PPARA: variants seen among roughly 807,000 people sequenced by gnomAD.
PPARA encodes the protein peroxisome proliferator-activated receptor alpha.
In PPARA, 22 loss-of-function variants were observed where a neutral mutation model predicts 42.2. That is an observed-to-expected ratio of 0.52 (90% CI 0.37 to 0.74). The LOEUF (loss-of-function observed/expected upper bound fraction) is 0.74. Ranked by LOEUF, PPARA falls within the 30% of genes least tolerant of loss-of-function variation. PPARA has a pLI of 0.00. For missense variants in PPARA, 465 were observed against 608.2 expected (o/e 0.76, Z 2.48); for synonymous variants, 242 against 239.3 (o/e 1.01, Z -0.10).
At chr22:46,152,132 A>ATTTTTTTT (rs780789203) in intron 2 of PPARA, among the ~76,000 whole-genome samples, 162 bp downstream of exon 2, 7 of 104,682 alleles carry the variant, frequency 6.7e-5, no homozygotes, top group Admixed American at 1.1e-4. Context: ...GCATGGATTC[A>ATTTTTTTT]TTTTTTTTTT....
rs1425916706 is a variant in PPARA at position 46,198,465 on chromosome 22, C to G, written c.82C>G (p.Leu28Val). ...DLESPLSEEF[L>V]QEMGNIQEIS... ...AGAGAGCCCGTTATCTGAAGAGTTC[C>G]TGCAAGAAATGGGAAACATCCAAGA... Residue 28 changes from leucine (L) to valine (V), a missense_variant, in exon 4 of 9, where the codon CTG becomes GTG. Physicochemically the swap from Leu to Val is conservative, Grantham distance 32. Coordinates refer to ENST00000407236, the MANE Select transcript of PPARA (RefSeq NM_005036.6). 1 of 1,613,878 alleles carries G rather than the reference C, an allele frequency of 6.2e-7. No individual in the cohort carries two copies.
chr22:46,232,370 T>C lies in PPARA; in HGVS notation c.1159+131T>C, dbSNP rs1443123192. On this transcript the variant is annotated intron_variant, in intron 8 of 8. Transcript: ENST00000407236. The surrounding 1 kb of genome is among the most constrained non-coding windows in gnomAD (Gnocchi z 5.3). Reference sequence around the variant, plus strand: ...GGGACACTCACATGGTGGGAAGACGTCTGACCCCCAGTCACTGCTGAGAAT... The same window carrying C: ...GGGACACTCACATGGTGGGAAGACGCCTGACCCCCAGTCACTGCTGAGAAT... 2.3e-6 allele frequency: 2 copies of C among 851,832 alleles called. No homozygotes were observed. Among genetic ancestry groups the C allele is most frequent in the African/African-American group, 1.7e-5 (1 of 60,198 alleles). 52.8% of individuals were successfully genotyped at this position (851,832 alleles called of 1,614,324 possible). A position where few individuals can be genotyped will look rare whatever the true frequency, so the allele number is the denominator to read the frequency against.
intron 3 of PPARA, among the ~76,000 whole-genome samples, chr22:46,185,311 T>G (rs1432997691): frequency 6.6e-6 from 1 of 152,236 alleles, no homozygotes; most frequent in Non-Finnish European, 1.5e-5. Flanking sequence ...ATATCCCTTT[T>G]GATAGCATAC....
At chr22:46,226,614 A>G (rs1048902393) in intron 7 of PPARA, among the ~76,000 whole-genome samples, 1 of 152,216 alleles carries the variant, frequency 6.6e-6, no homozygotes, top group Non-Finnish European at 1.5e-5. Context: ...CCATGAGTCC[A>G]TTGTAGCTAG....
In PPARA at chr22:46,232,981, C is replaced by CAAAAAAA. The variant is rs71192405; in HGVS notation, c.1159+756_1159+762dup. On this transcript the variant is annotated intron_variant, in intron 8 of 8. Coordinates refer to ENST00000407236, the MANE Select transcript of PPARA (RefSeq NM_005036.6). This position sits in a 1 kb window ranked among gnomAD's most constrained non-coding sequence, Gnocchi z 5.3. The stretch of plus-strand genomic sequence containing the variant: ...TGGGCGACGAAGAATGACCCTGTCT[C>CAAAAAAA]AAAAAAAAAAAAAAAAAAAATTATA... Among the ~76,000 whole-genome samples the CAAAAAAA allele has an allele frequency of 2.1e-5, 2 of 93,582 alleles. No homozygotes were observed. The highest frequency in any genetic ancestry group is 2.2e-5 in the Non-Finnish European group (1 of 45,474). The allele number at this position is 93,582 out of a possible 152,430, so 61.4% of individuals were successfully genotyped here.
Position 46,243,188 on chromosome 22 carries a change from G to A in PPARA, c.*7808G>A, listed in dbSNP as rs1473414252. 1 of 152,124 alleles carries A rather than the reference G, an allele frequency of 6.6e-6. No individual in the cohort carries two copies. Among genetic ancestry groups the A allele is most frequent in the African/African-American group, 2.4e-5 (1 of 41,376 alleles). 9.4% of individuals were successfully genotyped at this position (152,124 alleles called of 1,614,324 possible). A position where few individuals can be genotyped will look rare whatever the true frequency, so the allele number is the denominator to read the frequency against. The stretch of plus-strand genomic sequence containing the variant: ...TGGTGCATATTGGTTACACCCTCTG[G>A]GATTCATAATGCCATTAGGCTAAAA... On this transcript the variant is annotated 3_prime_UTR_variant, in exon 9 of 9. Coordinates refer to ENST00000407236, the MANE Select transcript of PPARA (RefSeq NM_005036.6). The surrounding 1 kb of genome is among the most constrained non-coding windows in gnomAD (Gnocchi z 5.0).
chr22:46,190,525 C>T lies in PPARA; in HGVS notation c.-42-7817C>T, dbSNP rs1376277368. Among the ~76,000 whole-genome samples the T allele has an allele frequency of 2.6e-5, 4 of 152,132 alleles. No individual in the cohort carries two copies. Among genetic ancestry groups the T allele is most frequent in the East Asian group, 1.9e-4 (1 of 5,192 alleles). ...ATCCCAACACTTAGAGGCCAAGCCG[C>T]GTGGATCGCTTGAGCCCAGGAGTTC... On this transcript the variant is annotated intron_variant, in intron 3 of 8. Transcript: ENST00000407236. The surrounding 1 kb of genome is among the most constrained non-coding windows in gnomAD (Gnocchi z 5.6).
chr22:46,222,347 G>A lies in PPARA; in HGVS notation c.711+2333G>A, dbSNP rs1320797498. Among the ~76,000 whole-genome samples the A allele has an allele frequency of 2.0e-5, 3 of 152,174 alleles. No individual in the cohort carries two copies. The highest frequency in any genetic ancestry group is 6.5e-5 in the Admixed American group (1 of 15,268). On this transcript the variant is annotated intron_variant, in intron 7 of 8. Transcript: ENST00000407236. The surrounding 1 kb of genome is among the most constrained non-coding windows in gnomAD (Gnocchi z 5.9). ...TTTGACATTTTCCTATGAGCATGGT[G>A]AAACAGGTTTAATTTGTATTAAATA...
Position 46,224,514 on chromosome 22 carries a change from C to T in PPARA, c.711+4500C>T, listed in dbSNP as rs1935249418. Among the ~76,000 whole-genome samples, 1 of 152,152 alleles carries T rather than the reference C, an allele frequency of 6.6e-6. No individual in the cohort carries two copies. Among genetic ancestry groups the T allele is most frequent in the Non-Finnish European group, 1.5e-5 (1 of 68,026 alleles). ...ACACCTTGATCTCTGCCCAGTGGCC[C>T]ACATGCGGTCGCCGTTTCATCAGTT... is the stretch of plus-strand genomic sequence containing the variant. On this transcript the variant is annotated intron_variant, in intron 7 of 8. Coordinates refer to ENST00000407236, the MANE Select transcript of PPARA (RefSeq NM_005036.6). The surrounding 1 kb of genome is among the most constrained non-coding windows in gnomAD (Gnocchi z 5.7).
intron 4 of PPARA, among the ~76,000 whole-genome samples, chr22:46,207,847 C>A (rs1933543868): frequency 6.6e-6 from 1 of 151,036 alleles, no homozygotes; most frequent in South Asian, 2.1e-4. Flanking sequence ...CCATGCCCAG[C>A]CAATTTTAAA....
rs2147717879 is a variant in PPARA at position 46,234,757 on chromosome 22, C to G, written c.1160-376C>G. ...AGTTTGGATTCAAAAGCTTCATTTCCCATATTATGCAAAACTGGTGGTTGT... is the reference window on the plus strand; with the variant it reads ...AGTTTGGATTCAAAAGCTTCATTTCGCATATTATGCAAAACTGGTGGTTGT... On this transcript the variant is annotated intron_variant, in intron 8 of 8. Transcript: ENST00000407236. This position sits in a 1 kb window ranked among gnomAD's most constrained non-coding sequence, Gnocchi z 5.8. 6.6e-6 allele frequency among the ~76,000 whole-genome samples: 1 copy of G among 152,250 alleles called. No individual in the cohort carries two copies. The highest frequency in any genetic ancestry group is 2.1e-4 in the South Asian group (1 of 4,818).
In PPARA at chr22:46,212,886, C is replaced by G. The variant is rs1407972032; in HGVS notation, c.209-2287C>G. ...TAATGGGCACCTGTAATCCCAGCTA[C>G]TTGGAAGGCTGAGGCAGGAGAATCA... On this transcript the variant is annotated intron_variant, in intron 4 of 8. Transcript: ENST00000407236. This position sits in a 1 kb window ranked among gnomAD's most constrained non-coding sequence, Gnocchi z 4.2. Among the ~76,000 whole-genome samples the G allele has an allele frequency of 2.0e-5, 3 of 152,252 alleles. No homozygotes were observed. In the East Asian group the frequency reaches 5.8e-4, roughly 29 times the overall value.
In PPARA at chr22:46,240,423, G is replaced by C. The variant is rs1936341875; in HGVS notation, c.*5043G>C. On this transcript the variant is annotated 3_prime_UTR_variant, in exon 9 of 9. Transcript: ENST00000407236. The surrounding 1 kb of genome is among the most constrained non-coding windows in gnomAD (Gnocchi z 6.0). Reference sequence around the variant, plus strand: ...GGTGAGTGCAAGGATAGGTGACCCAGGGGCCTGCAGCCTTGTCCTCAGCTC... The same window carrying C: ...GGTGAGTGCAAGGATAGGTGACCCACGGGCCTGCAGCCTTGTCCTCAGCTC... 2.5e-6 allele frequency: 1 copy of C among 395,268 alleles called. No homozygotes were observed. The highest frequency in any genetic ancestry group is 2.1e-5 in the African/African-American group (1 of 48,588). 24.5% of individuals were successfully genotyped at this position (395,268 alleles called of 1,614,324 possible). A position where few individuals can be genotyped will look rare whatever the true frequency, so the allele number is the denominator to read the frequency against.
rs576593595 is a variant in PPARA, at chr22:46,230,099, C to T, written c.712-1693C>T. On this transcript the variant is annotated intron_variant, in intron 7 of 8. Coordinates refer to ENST00000407236, the MANE Select transcript of PPARA (RefSeq NM_005036.6). The surrounding 1 kb of genome is among the most constrained non-coding windows in gnomAD (Gnocchi z 5.0). ...TAGAAATAACGCTGTAGGCCGGGCGCGGTGGCTCACCCCTGTAATCCCAGC... is the reference window on the plus strand; with the variant it reads ...TAGAAATAACGCTGTAGGCCGGGCGTGGTGGCTCACCCCTGTAATCCCAGC... 4.5e-3 allele frequency among the ~76,000 whole-genome samples: 688 copies of T among 152,282 alleles called. 8 individuals carry two copies. Among genetic ancestry groups the T allele is most frequent in the African/African-American group, 0.016 (647 of 41,548 alleles).
At chr22:46,186,407 A>G (rs1469144818) in intron 3 of PPARA, among the ~76,000 whole-genome samples, 1 of 152,104 alleles carries the variant, frequency 6.6e-6, no homozygotes, top group Non-Finnish European at 1.5e-5. Flanking sequence ...TGTAGATGTT[A>G]TAGTTTGGGA....
intron 4 of PPARA, among the ~76,000 whole-genome samples, chr22:46,209,763 A>G (rs147040277): frequency 6.6e-6 from 1 of 152,218 alleles, no homozygotes; most frequent in African/African-American, 2.4e-5. Context: ...GTTTTGTTTT[A>G]GAGACAGGGT....
chr22:46,230,535 C>T lies in PPARA; in HGVS notation c.712-1257C>T, dbSNP rs11090818. 0.19 allele frequency among the ~76,000 whole-genome samples: 29,496 copies of T among 152,140 alleles called. 6,188 individuals are homozygous for T. Among genetic ancestry groups the T allele is most frequent in the African/African-American group, 0.53 (22,025 of 41,450 alleles). ...CAGCAGTGTTTGTGCTCATTTTCCC[C>T]GGCTCTCCCACACATGTAATCCCTT... is the stretch of plus-strand genomic sequence containing the variant. On this transcript the variant is annotated intron_variant, in intron 7 of 8. Coordinates refer to ENST00000407236, the MANE Select transcript of PPARA (RefSeq NM_005036.6). The surrounding 1 kb of genome is among the most constrained non-coding windows in gnomAD (Gnocchi z 5.0).
At position 46,193,053 on chromosome 22, in the gene PPARA, G is replaced by GT. The variant is rs1383184673; in HGVS notation, c.-42-5283dup. On this transcript the variant is annotated intron_variant, in intron 3 of 8. Transcript: ENST00000407236. The surrounding 1 kb of genome is among the most constrained non-coding windows in gnomAD (Gnocchi z 5.3). ...AGAAAGAATGAATAAGACCCACTAG[G>GT]TTTTTTGTTGTTTTGTTGTTGTTGT... Among the ~76,000 whole-genome samples, 3 of 151,922 alleles carry GT rather than the reference G, an allele frequency of 2.0e-5. No homozygotes were observed. In the East Asian group the frequency reaches 5.8e-4, roughly 29 times the overall value.
In PPARA at chr22:46,227,893, A is replaced by T. The variant is rs1378046969; in HGVS notation, c.712-3899A>T. Among the ~76,000 whole-genome samples the T allele has an allele frequency of 6.6e-6, 1 of 152,178 alleles. No individual in the cohort carries two copies. Among genetic ancestry groups the T allele is most frequent in the African/African-American group, 2.4e-5 (1 of 41,448 alleles). On this transcript the variant is annotated intron_variant, in intron 7 of 8. Transcript: ENST00000407236. The surrounding 1 kb of genome is among the most constrained non-coding windows in gnomAD (Gnocchi z 4.3). ...TAAAATGATCTCACCAAGAATGTTT[A>T]TCCATAAAGTTTAGCGAATTTGCAA...
Sources: allele counts gnomAD v4.1 joint callset (sites outside exome capture counted in the v4.1 genomes callset), GRCh38; gene constraint gnomAD v4.1.1; non-coding constraint Gnocchi (gnomAD v3.1); transcripts MANE v1.5; gene names NCBI Gene and HGNC (gene_info 2026-07-23, HGNC 2026-07-21).